ZSCAN5A: variants seen among roughly 807,000 people sequenced by gnomAD.
ZSCAN5A encodes the protein zinc finger and SCAN domain-containing protein 5A.
Under a neutral mutation model 23.7 loss-of-function variants are expected in ZSCAN5A, and 12 were observed. The ratio of observed to expected loss-of-function variants is 0.51; its 90% CI spans 0.32 to 0.82. The LOEUF (loss-of-function observed/expected upper bound fraction) is 0.82. Among genes scored for constraint, ZSCAN5A ranks in the 40% least tolerant of loss-of-function variants. The probability of loss-of-function intolerance (pLI) is 0.03; values close to 1 mark genes in which losing one functional copy is unlikely to be tolerated. For missense variants in ZSCAN5A, 597 were observed against 617.9 expected, an observed-to-expected ratio of 0.97 and a Z score of 0.36; for synonymous variants, 257 against 239.9, an observed-to-expected ratio of 1.07 and a Z score of -0.66.
intron 2 of ZSCAN5A, chr19:56,297,416 T>C: frequency 3.4e-6 from 1 of 298,374 alleles, no homozygotes; most frequent in East Asian, 1.8e-4. Flanking sequence ...CCTCTTCCTC[T>C]TCCTCCCTCC....
At chr19:56,273,318 C>G (rs535177661) in intron 2 of ZSCAN5A, among the ~76,000 whole-genome samples, 2 of 152,298 alleles carry the variant, frequency 1.3e-5, no homozygotes, top group East Asian at 3.9e-4. Flanking sequence ...AGTGAGACTC[C>G]AGACTTTTGC....
chr19:56,245,236 T>C (rs760857033), intron 2 of ZSCAN5A: 2 of 629,196 alleles, frequency 3.2e-6, no homozygotes, highest in Admixed American at 4.5e-5. Flanking sequence ...TGGTCAATTT[T>C]CTTGGCAAGG....
intron 2 of ZSCAN5A, among the ~76,000 whole-genome samples, chr19:56,230,964 G>C (rs114395880): frequency 6.6e-6 from 1 of 152,114 alleles, no homozygotes; most frequent in Admixed American, 6.5e-5. Context: ...AATCAGAATG[G>C]TGTGTGAATA....
chr19:56,332,898 TTTC>T (rs1320570324), intron 2 of ZSCAN5A, among the ~76,000 whole-genome samples: 1 of 152,248 alleles, frequency 6.6e-6, no homozygotes, highest in Non-Finnish European at 1.5e-5. Context: ...AAATATTTTA[TTTC>T]TTCTTTGCTT....
At chr19:56,308,649 C>T (rs182492020) in intron 2 of ZSCAN5A, among the ~76,000 whole-genome samples, 1 of 151,196 alleles carries the variant, frequency 6.6e-6, no homozygotes, top group East Asian at 2.0e-4. Flanking sequence ...TGATTCCCCC[C>T]AAAACATCAC....
At chr19:56,366,561 C>T (rs2041767794) in intron 1 of ZSCAN5A, among the ~76,000 whole-genome samples, 2 of 152,164 alleles carry the variant, frequency 1.3e-5, no homozygotes, top group South Asian at 4.1e-4. Flanking sequence ...GTGTAACTGG[C>T]CTTAACCAAT....
At chr19:56,336,671 A>G (rs2041540435) in intron 2 of ZSCAN5A, among the ~76,000 whole-genome samples, 2 of 151,808 alleles carry the variant, frequency 1.3e-5, no homozygotes, top group African/African-American at 2.4e-5. Context: ...TGATTTTTAG[A>G]GTTTCTAGTT....
intron 2 of ZSCAN5A, among the ~76,000 whole-genome samples, chr19:56,246,139 C>T (rs2035874522): frequency 6.6e-6 from 1 of 152,094 alleles, no homozygotes; most frequent in Non-Finnish European, 1.5e-5. Flanking sequence ...GGGAGAGACT[C>T]AGAAATGAGG....
chr19:56,254,042 T>C (rs1283848812), intron 2 of ZSCAN5A, among the ~76,000 whole-genome samples: 3 of 149,986 alleles, frequency 2.0e-5, no homozygotes, highest in South Asian at 2.1e-4. Flanking sequence ...CTAACTGATA[T>C]ACCAGTGAAT....
chr19:56,367,217 G>C (rs532127093), intron 1 of ZSCAN5A: 3 of 152,248 alleles, frequency 2.0e-5, no homozygotes, highest in Admixed American at 2.0e-4. Flanking sequence ...AGCCGGGCAT[G>C]GTGGTGCACA....
Position 56,244,037 on chromosome 19 carries a change from C to G in ZSCAN5A, c.-127-18864G>C, listed in dbSNP as rs187660710. 1,206 of 870,568 alleles carry G rather than the reference C, an allele frequency of 1.4e-3. 4 individuals carry two copies. Among genetic ancestry groups the G allele is most frequent in the Middle Eastern group, 0.011 (50 of 4,432 alleles). 53.9% of individuals were successfully genotyped at this position (870,568 alleles called of 1,614,324 possible). A position where few individuals can be genotyped will look rare whatever the true frequency, so the allele number is the denominator to read the frequency against. ...CAGAGACTGACTGAAATATTCTCCA[C>G]CAGATATGGCTGCAAATTGCAACTC... On this transcript the variant is annotated intron_variant, in intron 2 of 5. Coordinates refer to ENST00000683990, the MANE Select transcript of ZSCAN5A (RefSeq NM_001322064.3).
chr19:56,332,541 G>A (rs1423708280), intron 2 of ZSCAN5A, among the ~76,000 whole-genome samples: 1 of 152,144 alleles, frequency 6.6e-6, no homozygotes, highest in Non-Finnish European at 1.5e-5. Flanking sequence ...TGAGCCGTAT[G>A]GGTGTTGTCA....
chr19:56,342,286 T>G (rs1291095620), intron 2 of ZSCAN5A: 1 of 147,422 alleles, frequency 6.8e-6, no homozygotes, highest in Non-Finnish European at 1.5e-5. Flanking sequence ...TCATATAAAA[T>G]TATTTCTCTT....
At chr19:56,332,398 T>C (rs74636400) in intron 2 of ZSCAN5A, among the ~76,000 whole-genome samples, 1,600 of 152,348 alleles carry the variant, frequency 0.011, 28 homozygotes, top group African/African-American at 0.036. Flanking sequence ...TTGAGGTCTT[T>C]ATCATTATGA....
chr19:56,355,089 A>AACTCAGCC (rs1555814360), intron 2 of ZSCAN5A, among the ~76,000 whole-genome samples: 1 of 149,716 alleles, frequency 6.7e-6, no homozygotes, highest in African/African-American at 2.5e-5. Context: ...TTGAAACCCA[A>AACTCAGCC]CGTGGTTTTT....
chr19:56,273,269 A>C (rs1338307473), intron 2 of ZSCAN5A, among the ~76,000 whole-genome samples: 4 of 152,228 alleles, frequency 2.6e-5, no homozygotes, highest in Admixed American at 6.5e-5. Flanking sequence ...TACGTTGTGC[A>C]GTGCCTGGAA....
chr19:56,251,927 T>C (rs1445648010), intron 2 of ZSCAN5A, among the ~76,000 whole-genome samples: 1 of 152,178 alleles, frequency 6.6e-6, no homozygotes, highest in African/African-American at 2.4e-5. Flanking sequence ...ATATCCAACA[T>C]AGACCAAATA....
At chr19:56,296,477 C>T (rs1024558680) in intron 2 of ZSCAN5A, 4 of 152,170 alleles carry the variant, frequency 2.6e-5, no homozygotes, top group East Asian at 1.9e-4. Context: ...ACTCTTTATC[C>T]GTATCATCAT....
At chr19:56,341,722 A>AC (rs1294468902) in intron 2 of ZSCAN5A, among the ~76,000 whole-genome samples, 5 of 150,684 alleles carry the variant, frequency 3.3e-5, no homozygotes, top group South Asian at 2.1e-4. Flanking sequence ...AAAAAAAAAA[A>AC]AAAAACCCTT....
Sources: allele counts gnomAD v4.1 joint callset (sites outside exome capture counted in the v4.1 genomes callset), GRCh38; gene constraint gnomAD v4.1.1; transcripts MANE v1.5; gene names NCBI Gene and HGNC (gene_info 2026-07-23, HGNC 2026-07-21).